The following PTPRO variants were observed in gnomAD, a reference collection of about 807,000 sequenced individuals.
PTPRO encodes the protein protein tyrosine phosphatase receptor type O.
A neutral mutation model predicts 145.2 loss-of-function variants in PTPRO; 62 were observed. The observed-to-expected ratio is 0.43, with a 90% CI of 0.35 to 0.53. The LOEUF (loss-of-function observed/expected upper bound fraction) is 0.53, where lower values mean the gene tolerates loss of function less well. PTPRO is among the 20% of genes least tolerant of loss of function. The pLI is 0.01. For synonymous variants in PTPRO, 565 were observed against 514.7 expected (o/e 1.10, Z -1.32); for missense variants, 1,345 against 1,482.7 (o/e 0.91, Z 1.53).
chr12:15,471,151 G>A (rs907218581), intron 1 of PTPRO, among the ~76,000 whole-genome samples: 1 of 152,106 alleles, frequency 6.6e-6, no homozygotes, highest in Non-Finnish European at 1.5e-5. Flanking sequence ...AGCTGAGGTG[G>A]GCAGATTGCT....
intron 2 of PTPRO, among the ~76,000 whole-genome samples, chr12:15,493,805 A>G (rs1942047926): frequency 1.3e-5 from 2 of 152,204 alleles, no homozygotes; most frequent in South Asian, 4.1e-4. Context: ...TTTCAACCTA[A>G]GGCGACATGC....
intron 2 of PTPRO, among the ~76,000 whole-genome samples, chr12:15,486,783 A>G (rs1318997339): frequency 2.0e-5 from 3 of 151,664 alleles, no homozygotes. Context: ...GCTAGTTGCT[A>G]CCAATTTAAA....
At chr12:15,353,095 C>G (rs1341824368) in intron 1 of PTPRO, among the ~76,000 whole-genome samples, 1 of 152,102 alleles carries the variant, frequency 6.6e-6, no homozygotes, top group Non-Finnish European at 1.5e-5. Context: ...CATGTAATAA[C>G]TGATTTTCCA....
chr12:15,392,091 T>G (rs1249537704), intron 1 of PTPRO, among the ~76,000 whole-genome samples: 1 of 152,246 alleles, frequency 6.6e-6, no homozygotes, highest in Non-Finnish European at 1.5e-5. Flanking sequence ...TGTGTGTTTA[T>G]ATGCCCATTC....
chr12:15,384,790 T>G (rs530698121), intron 1 of PTPRO, among the ~76,000 whole-genome samples: 4 of 152,322 alleles, frequency 2.6e-5, no homozygotes, highest in African/African-American at 9.6e-5. Flanking sequence ...CTTTTTATTT[T>G]TGTGAATGCT....
intron 1 of PTPRO, among the ~76,000 whole-genome samples, chr12:15,339,592 G>T (rs751544390): frequency 2.0e-5 from 3 of 152,134 alleles, no homozygotes; most frequent in Non-Finnish European, 4.4e-5. Flanking sequence ...TGCTTGGGTA[G>T]TTCAGTAAAT....
intron 1 of PTPRO, among the ~76,000 whole-genome samples, chr12:15,335,276 T>C (rs1336338215): frequency 1.3e-5 from 2 of 152,062 alleles, no homozygotes; most frequent in South Asian, 2.1e-4. Flanking sequence ...AGTTCGTGAA[T>C]GTTAAGTTGA....
At chr12:15,351,856 C>T (rs56410132) in intron 1 of PTPRO, among the ~76,000 whole-genome samples, 8,224 of 152,170 alleles carry the variant, frequency 0.054, 253 homozygotes, top group Non-Finnish European at 0.07. Context: ...TTATTGCGTG[C>T]AAACACTCAG....
At chr12:15,340,849 C>T (rs1866957030) in intron 1 of PTPRO, among the ~76,000 whole-genome samples, 1 of 152,118 alleles carries the variant, frequency 6.6e-6, no homozygotes, top group Admixed American at 6.5e-5. Flanking sequence ...CAGACAACAA[C>T]AATTTTAACA....
At chr12:15,593,944 A>G (rs1944604659) in intron 25 of PTPRO, among the ~76,000 whole-genome samples, 1 of 152,148 alleles carries the variant, frequency 6.6e-6, no homozygotes, top group Non-Finnish European at 1.5e-5. Context: ...ATCATTTAAT[A>G]AACACAGCTA....
intron 1 of PTPRO, chr12:15,346,351 A>G (rs1867211545): frequency 6.6e-6 from 1 of 152,186 alleles, no homozygotes; most frequent in South Asian, 2.1e-4. Flanking sequence ...GCTACTTTAT[A>G]TGTTATTTTA....
chr12:15,424,209 A>G (rs1473536850), intron 1 of PTPRO, among the ~76,000 whole-genome samples: 1 of 152,194 alleles, frequency 6.6e-6, no homozygotes, highest in East Asian at 1.9e-4. Flanking sequence ...ATTCTATTTT[A>G]AATTATATAT....
chr12:15,370,778 T>C (rs1409631786), intron 1 of PTPRO, among the ~76,000 whole-genome samples: 1 of 152,152 alleles, frequency 6.6e-6, no homozygotes, highest in Non-Finnish European at 1.5e-5. Context: ...GAATCTAACC[T>C]GAAGAACTAA....
At chr12:15,523,559 G>A (rs781738545) in intron 10 of PTPRO, among the ~76,000 whole-genome samples, 11 of 152,078 alleles carry the variant, frequency 7.2e-5, no homozygotes, top group Admixed American at 1.3e-4. Flanking sequence ...TGGATTGCTT[G>A]AGCCCAGGAG....
intron 1 of PTPRO, among the ~76,000 whole-genome samples, chr12:15,371,724 A>G (rs760832550): frequency 6.6e-6 from 1 of 152,150 alleles, no homozygotes; most frequent in African/African-American, 2.4e-5. Flanking sequence ...TGTAATCCCC[A>G]TAATCCCCAT....
At chr12:15,564,175 C>A (rs1049275321) in intron 17 of PTPRO, among the ~76,000 whole-genome samples, 4 of 152,100 alleles carry the variant, frequency 2.6e-5, no homozygotes, top group Admixed American at 1.3e-4. Context: ...GAACAAGAAC[C>A]ATTGAATGGA....
At chr12:15,420,148 G>GATA (rs1385470927) in intron 1 of PTPRO, among the ~76,000 whole-genome samples, 1 of 81,712 alleles carries the variant, frequency 1.2e-5, no homozygotes, top group Non-Finnish European at 2.3e-5. Context: ...CTCCGACTCA[G>GATA]AAAAAAAAAA....
At chr12:15,413,941 A>G (rs1440571419) in intron 1 of PTPRO, among the ~76,000 whole-genome samples, 2 of 152,236 alleles carry the variant, frequency 1.3e-5, no homozygotes, top group South Asian at 2.1e-4. Context: ...TGATTTAGGA[A>G]CCAGTAATAT....
intron 23 of PTPRO, among the ~76,000 whole-genome samples, chr12:15,582,740 T>G (rs1944348357): frequency 6.6e-6 from 1 of 152,192 alleles, no homozygotes; most frequent in South Asian, 2.1e-4. Flanking sequence ...TGTTCTGGTT[T>G]GGTTTTCATT....
Sources: allele counts gnomAD v4.1 joint callset (sites outside exome capture counted in the v4.1 genomes callset), GRCh38; gene constraint gnomAD v4.1.1; transcripts MANE v1.5; gene names NCBI Gene and HGNC (gene_info 2026-07-23, HGNC 2026-07-21).